COPB2: variants seen among roughly 807,000 people sequenced by gnomAD.
COPB2 encodes coat protein complex I subunit beta 2.
In COPB2, 16 loss-of-function variants were observed where a neutral mutation model predicts 120.8. The observed-to-expected ratio is 0.13, with a 90% CI of 0.09 to 0.20. The LOEUF is 0.20. COPB2 is among the 10% of genes least tolerant of loss of function. The pLI, the probability that COPB2 is intolerant of heterozygous loss-of-function variation, is 1.00. For missense variants in COPB2, 794 were observed against 1,076.5 expected (o/e 0.74, Z 3.67); for synonymous variants, 332 against 366.3 (o/e 0.91, Z 1.07).
At chr3:139,361,030 C>G in intron 17 of COPB2, 51 bp downstream of exon 17, 1 of 1,593,624 alleles carries the variant, frequency 6.3e-7, no homozygotes, top group Non-Finnish European at 8.6e-7. Context: ...CTTCCCTCTC[C>G]AAAAACCATC....
chr3:139,384,791 A>G lies in COPB2; in HGVS notation c.4-1356T>C, dbSNP rs1006000328. The stretch of plus-strand genomic sequence containing the variant: ...CAATGAAGAATATACTAACAGTACA[A>G]TTTGGTGTCACTTCACTAGCAGTTT... On this transcript the variant is annotated intron_variant, in intron 1 of 21. Transcript: ENST00000333188. Among the ~76,000 whole-genome samples, 6 of 152,242 alleles carry G rather than the reference A, an allele frequency of 3.9e-5. No homozygotes were observed. In the East Asian group the frequency reaches 1.2e-3, roughly 29 times the overall value.
chr3:139,367,285 T>G, intron 13 of COPB2, 140 bp from the exon 14 acceptor site: 1 of 1,054,400 alleles, frequency 9.5e-7, no homozygotes, highest in Non-Finnish European at 1.3e-6. Flanking sequence ...AAAAAAATTT[T>G]CCTTGGAATT....
At chr3:139,363,086 G>T (rs1431832817) in intron 15 of COPB2, among the ~76,000 whole-genome samples, 2 of 152,206 alleles carry the variant, frequency 1.3e-5, no homozygotes, top group African/African-American at 4.8e-5. Flanking sequence ...TTCAGGTCCA[G>T]TCACCAATTA....
At chr3:139,363,233 A>T (rs956106145) in intron 15 of COPB2, among the ~76,000 whole-genome samples, 2 of 152,232 alleles carry the variant, frequency 1.3e-5, no homozygotes, top group African/African-American at 4.8e-5. Flanking sequence ...GGGGTCTCCC[A>T]AACAACCAGT....
Position 139,358,382 on chromosome 3 carries a change from A to G in COPB2, c.2554-111T>C, listed in dbSNP as rs570967786. ...ATTAGGAAGTGGGAGATGATGTTTA[A>G]AAGTGAACCATCTCAGCCAGGCACA... On this transcript the variant is annotated intron_variant, in intron 20 of 21. Coordinates refer to ENST00000333188, the MANE Select transcript of COPB2 (RefSeq NM_004766.3). The G allele has an allele frequency of 1.4e-5, 14 of 969,584 alleles. No homozygotes were observed. In the African/African-American group the frequency reaches 1.6e-4, roughly 11 times the overall value. The allele number at this position is 969,584 out of a possible 1,614,324, so 60.1% of individuals were successfully genotyped here.
At chr3:139,375,740 T>C in intron 5 of COPB2, 126 bp from the exon 6 acceptor site, 1 of 1,177,502 alleles carries the variant, frequency 8.5e-7, no homozygotes, top group Non-Finnish European at 1.1e-6. Flanking sequence ...CAAATTTTAT[T>C]TTTTATCCTG....
chr3:139,358,635 C>A, intron 20 of COPB2, 109 bp downstream of exon 20: 1 of 750,536 alleles, frequency 1.3e-6, no homozygotes, highest in South Asian at 1.6e-5. Flanking sequence ...GAGCCTAGAT[C>A]GCGCCACTGC....
intron 10 of COPB2, among the ~76,000 whole-genome samples, chr3:139,371,116 A>G (rs557195851): frequency 1.3e-5 from 2 of 152,344 alleles, no homozygotes; most frequent in Non-Finnish European, 2.9e-5. Flanking sequence ...CGTGCATTAA[A>G]CAGGAATCAA....
At position 139,378,204 on chromosome 3, in the gene COPB2, A is replaced by G; in HGVS notation, c.356-15T>C. The G allele has an allele frequency of 4.6e-6, 7 of 1,524,824 alleles. No individual in the cohort carries two copies. Among genetic ancestry groups the G allele is most frequent in the Non-Finnish European group, 6.3e-6 (7 of 1,117,980 alleles). The allele number at this position is 1,524,824 out of a possible 1,614,324, so 94.5% of individuals were successfully genotyped here. ...AAGCATGTCATCTAGGCCAAAAGAA[A>G]GTCTCAAGTTAGTTGTAATTCTATT... On this transcript the variant is annotated splice_polypyrimidine_tract_variant and intron_variant, in intron 4 of 21. Coordinates refer to ENST00000333188, the MANE Select transcript of COPB2 (RefSeq NM_004766.3).
In COPB2 at chr3:139,369,496, A is replaced by G; in HGVS notation, c.1254T>C (p.Phe418=). ...CTGGTTTAAATGATTTTTTTTCCTT[A>G]AAGTTCTTAAATATCTTTACAATGC... ...SNSIVKIFKN[F]KEKKSFKPDF... is the part of the protein sequence containing the mutation. Residue 418 remains phenylalanine (F), a synonymous_variant, in exon 11 of 22, where the codon TTT becomes TTC. Transcript: ENST00000333188. The G allele has an allele frequency of 1.2e-6, 2 of 1,612,118 alleles. No individual in the cohort carries two copies. Among genetic ancestry groups the G allele is most frequent in the South Asian group, 2.2e-5 (2 of 90,618 alleles).
In COPB2 at chr3:139,373,328, G is replaced by A; in HGVS notation, c.979C>T (p.Leu327=). ...AKHSEVQQAN[L]KAMGDAEIKD... ...ATTTCAGCATCTCCCATTGCTTTTA[G>A]GTTGGCCTGCTGGACTTCTGAATGC... Residue 327 remains leucine, a synonymous_variant, in exon 9 of 22, where the codon CTA becomes TTA. Coordinates refer to ENST00000333188, the MANE Select transcript of COPB2 (RefSeq NM_004766.3). The A allele has an allele frequency of 6.2e-7, 1 of 1,614,176 alleles. No homozygotes were observed. Among genetic ancestry groups the A allele is most frequent in the Non-Finnish European group, 8.5e-7 (1 of 1,180,036 alleles).
chr3:139,359,051 C>G lies in COPB2; in HGVS notation c.2431G>C (p.Val811Leu). The G allele has an allele frequency of 6.2e-7, 1 of 1,614,094 alleles. No homozygotes were observed. The highest frequency in any genetic ancestry group is 8.5e-7 in the Non-Finnish European group (1 of 1,180,012). Residue 811 changes from valine to leucine, a missense_variant, in exon 19 of 22, where the codon GTG becomes CTG. Physicochemically the swap from Val to Leu is conservative, Grantham distance 32. Around this residue, in one of 3 missense-constraint regions of COPB2, gnomAD observed 178 missense variants for 183.2 expected, o/e 0.97. Coordinates refer to ENST00000333188, the MANE Select transcript of COPB2 (RefSeq NM_004766.3). The part of the protein sequence containing the change: ...LKEAFVVEEW[V>L]KETHADLWPA... ...CACAGATCAGCATGTGTTTCCTTCA[C>G]CCATTCTTCAACAACAAAGGCTTCT...
intron 10 of COPB2, 73 bp downstream of exon 10, chr3:139,371,650 C>A: frequency 7.8e-7 from 1 of 1,280,674 alleles, no homozygotes. Context: ...CACATCAAGC[C>A]TTGAGAGTCT....
intron 1 of COPB2, chr3:139,388,129 C>CTTTTTGGA (rs1941958658): frequency 1.3e-5 from 2 of 152,106 alleles, no homozygotes; most frequent in East Asian, 3.8e-4. Flanking sequence ...TTAGGCAGAT[C>CTTTTTGGA]CAAGAGCCTT....
chr3:139,370,637 C>G (rs1941607645), intron 10 of COPB2, among the ~76,000 whole-genome samples: 1 of 152,146 alleles, frequency 6.6e-6, no homozygotes, highest in South Asian at 2.1e-4. Context: ...TATATTCAGG[C>G]CTCTGCCTTG....
intron 7 of COPB2, 187 bp downstream of exon 7, chr3:139,374,302 G>C: frequency 4.9e-6 from 2 of 411,644 alleles, no homozygotes; most frequent in African/African-American, 4.7e-5. Context: ...TGATGACGAT[G>C]ATGATGATGA....
intron 9 of COPB2, among the ~76,000 whole-genome samples, chr3:139,372,761 G>T (rs1382307077): frequency 6.6e-6 from 1 of 152,108 alleles, no homozygotes; most frequent in Non-Finnish European, 1.5e-5. Flanking sequence ...CTGACAGTTC[G>T]AATTACAAAT....
Position 139,372,823 on chromosome 3 carries a change from C to G in COPB2, c.1094+390G>C, listed in dbSNP as rs116322907. On this transcript the variant is annotated intron_variant, in intron 9 of 21. Coordinates refer to ENST00000333188, the MANE Select transcript of COPB2 (RefSeq NM_004766.3). The stretch of plus-strand genomic sequence containing the variant: ...AAACTTTTTCAAAAGACACATATCT[C>G]AGAGTCAGGTTTTCTTCTTGAAAGA... Among the ~76,000 whole-genome samples the G allele has an allele frequency of 4.4e-3, 671 of 152,304 alleles. 7 individuals carry two copies. Among genetic ancestry groups the G allele is most frequent in the African/African-American group, 0.016 (653 of 41,570 alleles).
At chr3:139,368,399 T>C (rs1576372636) in intron 12 of COPB2, 111 bp from the exon 13 acceptor site, 2 of 1,111,882 alleles carry the variant, frequency 1.8e-6, no homozygotes, top group East Asian at 5.1e-5. Flanking sequence ...AGATGATAAG[T>C]ATTCACTTAA....
Sources: allele counts gnomAD v4.1 joint callset (sites outside exome capture counted in the v4.1 genomes callset), GRCh38; gene constraint gnomAD v4.1.1; regional missense constraint gnomAD v4.1.1; transcripts MANE v1.5; gene names NCBI Gene and HGNC (gene_info 2026-07-23, HGNC 2026-07-21).